The following TWIST2 variants were observed in gnomAD, a reference collection of about 807,000 sequenced individuals.
The protein encoded by TWIST2 is twist family bHLH transcription factor 2.
A neutral mutation model predicts 11.6 loss-of-function variants in TWIST2; 1 was observed. The ratio of observed to expected loss-of-function variants is 0.09; its 90% CI spans 0.03 to 0.41. The LOEUF is 0.41. TWIST2 is among the 10% of genes least tolerant of loss of function. The probability of loss-of-function intolerance (pLI) is 0.98; values close to 1 mark genes in which losing one functional copy is unlikely to be tolerated. For missense variants in TWIST2, 168 were observed against 226.4 expected (o/e 0.74, Z 1.66); for synonymous variants, 87 against 96.6 (o/e 0.90, Z 0.58).
chr2:238,865,747 A>G (rs1574751339), intron 1 of TWIST2, among the ~76,000 whole-genome samples: 1 of 151,300 alleles, frequency 6.6e-6, no homozygotes, highest in Non-Finnish European at 1.5e-5. Flanking sequence ...GAGAACCCTC[A>G]CTACCACTGC....
At chr2:238,892,088 C>T (rs1249557282) in intron 1 of TWIST2, among the ~76,000 whole-genome samples, 1 of 152,152 alleles carries the variant, frequency 6.6e-6, no homozygotes, top group Non-Finnish European at 1.5e-5. Context: ...CTGGAACCCG[C>T]CTGCAGCAGC....
intron 1 of TWIST2, among the ~76,000 whole-genome samples, chr2:238,902,528 T>G (rs1458621917): frequency 3.7e-5 from 2 of 53,764 alleles, no homozygotes; most frequent in Admixed American, 3.2e-4. Context: ...TAGTATGGGG[T>G]GTGTGTGTGG....
In TWIST2 at chr2:238,866,642, G is replaced by GC. The variant is rs1193437013; in HGVS notation, c.*35+17910dup. Among the ~76,000 whole-genome samples the GC allele has an allele frequency of 5.9e-5, 9 of 152,064 alleles. No individual in the cohort carries two copies. The stretch of plus-strand genomic sequence containing the variant: ...ACTGTACTCCAGCCTGGGTGACAGA[G>GC]CGAGACTCCACCATGGAAAAAAAAA... On this transcript the variant is annotated intron_variant, in intron 1 of 1. Transcript: ENST00000612363. This position sits in a 1 kb window ranked among gnomAD's most constrained non-coding sequence, Gnocchi z 4.9.
intron 1 of TWIST2, among the ~76,000 whole-genome samples, chr2:238,853,685 C>G (rs1692284018): frequency 6.6e-6 from 1 of 152,140 alleles, no homozygotes; most frequent in African/African-American, 2.4e-5. Context: ...AGTGTGATTT[C>G]TCTTCAGCGA....
At chr2:238,905,233 G>A in intron 1 of TWIST2, among the ~76,000 whole-genome samples, 1 of 152,286 alleles carries the variant, frequency 6.6e-6, no homozygotes, top group East Asian at 1.9e-4. Context: ...TGGTGTGGAA[G>A]ACACAACTGA....
chr2:238,902,388 TGTG>T (rs1407566236), intron 1 of TWIST2, among the ~76,000 whole-genome samples: 1 of 150,522 alleles, frequency 6.6e-6, no homozygotes, highest in African/African-American at 2.5e-5. Context: ...ATGTGTGTAG[TGTG>T]GGGTTTGTGT....
In TWIST2 at chr2:238,867,616, G is replaced by A. The variant is rs1457074949; in HGVS notation, c.*35+18883G>A. ...CAGGCCTGGCACGGAGGAGCTGTCA[G>A]CAAGCAGGCGTCCGAAGATTGAGAT... On this transcript the variant is annotated intron_variant, in intron 1 of 1. Transcript: ENST00000612363. The surrounding 1 kb of genome is among the most constrained non-coding windows in gnomAD (Gnocchi z 4.8). Among the ~76,000 whole-genome samples, 1 of 152,182 alleles carries A rather than the reference G, an allele frequency of 6.6e-6. No homozygotes were observed. The highest frequency in any genetic ancestry group is 2.1e-4 in the South Asian group (1 of 4,830).
intron 1 of TWIST2, among the ~76,000 whole-genome samples, chr2:238,897,169 C>A (rs1435234647): frequency 2.6e-5 from 4 of 152,216 alleles, no homozygotes; most frequent in African/African-American, 9.6e-5. Flanking sequence ...CTTTGAAAGT[C>A]GCTGTCAGGG....
intron 1 of TWIST2, among the ~76,000 whole-genome samples, chr2:238,909,294 C>T (rs1693413737): frequency 6.6e-6 from 1 of 151,612 alleles, no homozygotes; most frequent in Non-Finnish European, 1.5e-5. Context: ...TTTGCAACTT[C>T]CCGTGTGTCT....
At chr2:238,870,486 AC>A (rs1692652673) in intron 1 of TWIST2, among the ~76,000 whole-genome samples, 1 of 94,012 alleles carries the variant, frequency 1.1e-5, no homozygotes, top group Non-Finnish European at 2.1e-5. Flanking sequence ...CCACACACAC[AC>A]CACACACCCC....
At chr2:238,882,739 G>C (rs1051426165) in intron 1 of TWIST2, among the ~76,000 whole-genome samples, 1 of 152,206 alleles carries the variant, frequency 6.6e-6, no homozygotes, top group South Asian at 2.1e-4. Flanking sequence ...TTTGTCCCAT[G>C]ATGAGGGAAC....
intron 1 of TWIST2, among the ~76,000 whole-genome samples, chr2:238,907,880 C>A (rs1693381311): frequency 2.7e-5 from 2 of 73,266 alleles, no homozygotes; most frequent in East Asian, 4.3e-4. Flanking sequence ...ACACACACAC[C>A]ACACAAACAC....
Position 238,897,309 on chromosome 2 carries a change from G to A in TWIST2, c.*36-12533G>A, listed in dbSNP as rs1029617351. 7.9e-5 allele frequency among the ~76,000 whole-genome samples: 12 copies of A among 152,194 alleles called. No homozygotes were observed. The East Asian group carries it at 1.2e-3, about 15-fold the overall frequency. ...TTTCCCTTGTGATTTTCTGTCCTCC[G>A]CGCGCCCCCCTGCCCCTGTGTCCCC... is the stretch of plus-strand genomic sequence containing the variant. On this transcript the variant is annotated intron_variant, in intron 1 of 1. Transcript: ENST00000612363.
In TWIST2 at chr2:238,906,523, C is replaced by T. The variant is rs943037226; in HGVS notation, c.*36-3319C>T. ...GCACATGCTCACACACATGCATGCACACTGGCACACACACGGGCCAACTTA... is the reference window on the plus strand; with the variant it reads ...GCACATGCTCACACACATGCATGCATACTGGCACACACACGGGCCAACTTA... On this transcript the variant is annotated intron_variant, in intron 1 of 1. Transcript: ENST00000612363. 2.0e-5 allele frequency among the ~76,000 whole-genome samples: 3 copies of T among 152,280 alleles called. 1 individual carries two copies. Among genetic ancestry groups the T allele is most frequent in the South Asian group, 4.1e-4 (2 of 4,826 alleles).
chr2:238,871,514 T>C (rs1310631588), intron 1 of TWIST2, among the ~76,000 whole-genome samples: 25 of 40,728 alleles, frequency 6.1e-4, no homozygotes, highest in South Asian at 1.3e-3. Flanking sequence ...ACCCCACACA[T>C]ACCCCCCAAA....
At chr2:238,880,007 C>G (rs183738509) in intron 1 of TWIST2, among the ~76,000 whole-genome samples, 1 of 152,188 alleles carries the variant, frequency 6.6e-6, no homozygotes, top group Non-Finnish European at 1.5e-5. Context: ...GGGACCTTCA[C>G]GGGGCTCTGG....
intron 1 of TWIST2, among the ~76,000 whole-genome samples, chr2:238,849,330 G>GA (rs1480494220): frequency 2.0e-5 from 3 of 152,234 alleles, no homozygotes; most frequent in Non-Finnish European, 4.4e-5. Context: ...TGCGGCTCCA[G>GA]GGTTTGCCTG....
At chr2:238,898,204 G>A (rs988609346) in intron 1 of TWIST2, among the ~76,000 whole-genome samples, 1 of 152,242 alleles carries the variant, frequency 6.6e-6, no homozygotes, top group Admixed American at 6.5e-5. Context: ...CCCTAGCAGG[G>A]AGCATGTTGC....
chr2:238,896,708 C>T (rs1356696315), intron 1 of TWIST2, among the ~76,000 whole-genome samples: 4 of 152,182 alleles, frequency 2.6e-5, no homozygotes, highest in Non-Finnish European at 4.4e-5. Flanking sequence ...TGCAGTCATT[C>T]CTGGGAAGGC....
Sources: gnomAD v4.1 joint callset for allele counts (sites outside exome capture counted in the v4.1 genomes callset) on GRCh38, gnomAD v4.1.1 for gene constraint, Gnocchi (gnomAD v3.1) non-coding constraint, MANE v1.5 for transcripts, NCBI Gene and HGNC (gene_info 2026-07-23, HGNC 2026-07-21) for gene names.